The following UBXN8 variants were observed in gnomAD, a reference collection of about 807,000 sequenced individuals.
The protein encoded by UBXN8 is UBX domain-containing protein 8.
Under a neutral mutation model 32.1 loss-of-function variants are expected in UBXN8, and 27 were observed. The observed-to-expected ratio is 0.84, with a 90% CI of 0.62 to 1.16. The LOEUF (loss-of-function observed/expected upper bound fraction) is 1.16. Among genes scored for constraint, UBXN8 ranks in the 50% most tolerant of loss-of-function variants. The probability of loss-of-function intolerance (pLI) is 0.00; values close to 1 mark genes in which losing one functional copy is unlikely to be tolerated. For missense variants in UBXN8, 306 were observed against 311.4 expected (o/e 0.98, Z 0.13); for synonymous variants, 109 against 111.8 (o/e 0.98, Z 0.16).
At chr8:30,754,587 T>C in intron 3 of UBXN8, 78 bp from the exon 4 acceptor site, 2 of 1,484,948 alleles carry the variant, frequency 1.3e-6, no homozygotes, top group Non-Finnish European at 8.9e-7. Flanking sequence ...TTGGTTCTTA[T>C]TTACAACTTT....
At chr8:30,742,059 C>T (rs966079465), upstream of UBXN8, among the ~76,000 whole-genome samples, 3 of 152,006 alleles carry the variant, frequency 2.0e-5, no homozygotes, top group African/African-American at 4.8e-5. Context: ...TTCCTGTCTT[C>T]CTCCTTATGC....
chr8:30,748,838 G>C (rs1010861615), intron 1 of UBXN8, among the ~76,000 whole-genome samples: 2 of 152,116 alleles, frequency 1.3e-5, no homozygotes, highest in African/African-American at 2.4e-5. Flanking sequence ...ATCTCGCCCG[G>C]CCTATATATA....
chr8:30,751,894 CT>C (rs1335998614), intron 2 of UBXN8, among the ~76,000 whole-genome samples: 196 of 137,246 alleles, frequency 1.4e-3, no homozygotes, highest in Middle Eastern at 3.8e-3. Flanking sequence ...TACCATTAAA[CT>C]TTTTTTTTTT....
chr8:30,729,141 G>C (rs1968278), upstream of UBXN8, among the ~76,000 whole-genome samples: 34,600 of 152,222 alleles, frequency 0.23, 4,412 homozygotes, highest in African/African-American at 0.35. Context: ...GCCCCTTAGG[G>C]GGCTTAGGCC....
rs780379767 is a variant in UBXN8, at chr8:30,751,441, T to G, written c.134T>G (p.Leu45Arg). The G allele has an allele frequency of 1.0e-5, 16 of 1,606,620 alleles. No homozygotes were observed. The highest frequency in any genetic ancestry group is 1.3e-5 in the Non-Finnish European group (15 of 1,175,910). ...LLLCGRILLL[L>R]ALLTLTISVT... ...CTTTGTGGCCGGATTTTGCTACTGCTTGCTCTTCTTACTTTAACTATTTCT... is the reference window on the plus strand; with the variant it reads ...CTTTGTGGCCGGATTTTGCTACTGCGTGCTCTTCTTACTTTAACTATTTCT... Residue 45 changes from leucine (L) to arginine (R), a missense_variant, in exon 2 of 8, where the codon CTT becomes CGT. By Grantham distance (102) the Leu-to-Arg change is moderately radical. Transcript: ENST00000265616.
chr8:30,742,504 C>G (rs1481362303), upstream of UBXN8, among the ~76,000 whole-genome samples: 1 of 152,174 alleles, frequency 6.6e-6, no homozygotes, highest in East Asian at 1.9e-4. Flanking sequence ...GCTACGCCAT[C>G]ACGCGCAGCT....
In UBXN8 at chr8:30,763,265, T is replaced by C; in HGVS notation, c.571-8T>C. On this transcript the variant is annotated splice_region_variant and splice_polypyrimidine_tract_variant and intron_variant, in intron 6 of 7. Transcript: ENST00000265616. ...ATCGGAGTTCTTATGTGAATATTTCTTCCTTAGGTAGTTACTGTTGCTCTC... is the reference window on the plus strand; with the variant it reads ...ATCGGAGTTCTTATGTGAATATTTCCTCCTTAGGTAGTTACTGTTGCTCTC... 1.2e-6 allele frequency: 2 copies of C among 1,613,726 alleles called. No individual in the cohort carries two copies. Among genetic ancestry groups the C allele is most frequent in the Admixed American group, 1.7e-5 (1 of 60,018 alleles).
chr8:30,758,900 T>TTTTTTTTTTTTTTTTTG (rs1554578741), intron 5 of UBXN8, among the ~76,000 whole-genome samples: 18 of 122,022 alleles, frequency 1.5e-4, no homozygotes, highest in Non-Finnish European at 2.1e-4. Flanking sequence ...TTTTGTTTTT[T>TTTTTTTTTTTTTTTTTG]TTTTTTTTTT....
At position 30,766,247 on chromosome 8, in the gene UBXN8, G is replaced by A. The variant is rs1427226542; in HGVS notation, c.666G>A (p.Thr222=). ...TCTAGGTCTTATTTGACTGGATGACGAGAATTGGGTACCACATATCTCTAT... is the reference window on the plus strand; with the variant it reads ...TCTAGGTCTTATTTGACTGGATGACAAGAATTGGGTACCACATATCTCTAT... ...YSSQVLFDWM[T]RIGYHISLYS... The change falls in exon 8 of 8, where the codon ACG becomes ACA. Residue 222 remains threonine, a synonymous_variant. Coordinates refer to ENST00000265616, the MANE Select transcript of UBXN8 (RefSeq NM_005671.4). The A allele has an allele frequency of 5.6e-6, 9 of 1,611,968 alleles. No individual in the cohort carries two copies. Among genetic ancestry groups the A allele is most frequent in the African/African-American group, 4.0e-5 (3 of 74,866 alleles).
chr8:30,760,504 C>G (rs7845214), intron 5 of UBXN8, among the ~76,000 whole-genome samples: 1 of 133,052 alleles, frequency 7.5e-6, no homozygotes, highest in Non-Finnish European at 1.6e-5. Context: ...CCTTGAACTT[C>G]TGAGCTCAAG....
intron 1 of UBXN8, 84 bp downstream of exon 1, chr8:30,744,361 C>T (rs775177950): frequency 7.2e-7 from 1 of 1,386,570 alleles, no homozygotes; most frequent in Non-Finnish European, 1.0e-6. Context: ...TCTTCGGCTG[C>T]GTGGCTTCGG....
intron 6 of UBXN8, among the ~76,000 whole-genome samples, chr8:30,762,538 G>A (rs1481625541): frequency 2.0e-5 from 3 of 152,048 alleles, no homozygotes; most frequent in African/African-American, 4.8e-5. Flanking sequence ...GACCACAGGT[G>A]TACGCCACAA....
upstream of UBXN8, among the ~76,000 whole-genome samples, chr8:30,743,955 C>T (rs1441221823): frequency 2.6e-5 from 4 of 152,252 alleles, 1 homozygote; most frequent in Admixed American, 1.3e-4. Flanking sequence ...AGCCCAGGCT[C>T]CTCTGGACAT....
intron 1 of UBXN8, among the ~76,000 whole-genome samples, chr8:30,745,526 C>A (rs747049989): frequency 6.6e-6 from 1 of 152,140 alleles, no homozygotes; most frequent in African/African-American, 2.4e-5. Flanking sequence ...CATTTTCTCC[C>A]TGCTCACAAG....
At chr8:30,760,648 G>A (rs1337234226) in intron 5 of UBXN8, among the ~76,000 whole-genome samples, 1 of 151,656 alleles carries the variant, frequency 6.6e-6, no homozygotes, top group Admixed American at 6.6e-5. Context: ...AATCCTTTAA[G>A]TATGTATAGA....
chr8:30,761,444 C>T (rs1483287510), intron 6 of UBXN8, among the ~76,000 whole-genome samples: 2 of 151,864 alleles, frequency 1.3e-5, no homozygotes, highest in African/African-American at 4.8e-5. Context: ...GGGGTTTTAC[C>T]ATGTTGGCCA....
At chr8:30,752,925 C>A in intron 2 of UBXN8, 110 bp from the exon 3 acceptor site, 1 of 1,227,272 alleles carries the variant, frequency 8.1e-7, no homozygotes, top group Non-Finnish European at 1.1e-6. Context: ...TAGGGTCTCC[C>A]CATCATAGAC....
intron 2 of UBXN8, among the ~76,000 whole-genome samples, chr8:30,752,432 C>T (rs1417109524): frequency 1.3e-5 from 2 of 152,226 alleles, no homozygotes; most frequent in East Asian, 1.9e-4. Flanking sequence ...CTCAGCTTCC[C>T]GAGTAGTTGG....
At chr8:30,743,167 T>C (rs1402958308), upstream of UBXN8, among the ~76,000 whole-genome samples, 1 of 150,592 alleles carries the variant, frequency 6.6e-6, no homozygotes, top group Non-Finnish European at 1.5e-5. Flanking sequence ...TCTTTTTTTT[T>C]TTTTTTTGAG....
Sources: gnomAD v4.1 joint callset for allele counts (sites outside exome capture counted in the v4.1 genomes callset) on GRCh38, gnomAD v4.1.1 for gene constraint, MANE v1.5 for transcripts, NCBI Gene and HGNC (gene_info 2026-07-23, HGNC 2026-07-21) for gene names.